Variants in TINAGL1 observed in about 807,000 individuals in gnomAD.
TINAGL1 encodes the protein tubulointerstitial nephritis antigen-like.
TINAGL1 carries 34 observed loss-of-function variants against 62.0 expected under a neutral mutation model. The ratio of observed to expected loss-of-function variants is 0.55; its 90% CI spans 0.42 to 0.73. TINAGL1 has a LOEUF of 0.73. TINAGL1 is among the 30% of genes least tolerant of loss of function. The pLI is 0.00. For synonymous variants in TINAGL1, 221 were observed against 249.7 expected (o/e 0.88, Z 1.08); for missense variants, 516 against 653.2 (o/e 0.79, Z 2.29).
Position 31,585,511 on chromosome 1 carries a change from G to T in TINAGL1, c.1093+26G>T. On this transcript the variant is annotated intron_variant, in intron 9 of 11. Coordinates refer to ENST00000271064, the MANE Select transcript of TINAGL1 (RefSeq NM_022164.3). This position sits in a 1 kb window ranked among gnomAD's most constrained non-coding sequence, Gnocchi z 4.3. Reference sequence around the variant, plus strand: ...GTAAACCCCCTTATCCAGCACCCTGGTTCCAGAAGCTTGTGCCTGCTTGAG... The same window carrying T: ...GTAAACCCCCTTATCCAGCACCCTGTTTCCAGAAGCTTGTGCCTGCTTGAG... The T allele has an allele frequency of 6.2e-7, 1 of 1,613,630 alleles. No individual in the cohort carries two copies. Among genetic ancestry groups the T allele is most frequent in the Non-Finnish European group, 8.5e-7 (1 of 1,179,762 alleles).
intron 3 of TINAGL1, among the ~76,000 whole-genome samples, chr1:31,582,398 C>A (rs1357314944): frequency 6.6e-6 from 1 of 151,810 alleles, no homozygotes; most frequent in Non-Finnish European, 1.5e-5. Flanking sequence ...CTAGTTGGAG[C>A]CTTAGAACCA....
rs1257344236 is a variant in TINAGL1, at chr1:31,577,667, A to G, written c.310+209A>G. On this transcript the variant is annotated intron_variant, in intron 2 of 11. Coordinates refer to ENST00000271064, the MANE Select transcript of TINAGL1 (RefSeq NM_022164.3). The surrounding 1 kb of genome is among the most constrained non-coding windows in gnomAD (Gnocchi z 5.4). Reference sequence around the variant, plus strand: ...TCTAATTTGGCCCAGGGAAAGGGCAACCTCCCACATTTTCTCCCAATCCTG... The same window carrying G: ...TCTAATTTGGCCCAGGGAAAGGGCAGCCTCCCACATTTTCTCCCAATCCTG... The G allele has an allele frequency of 3.4e-6, 2 of 592,592 alleles. No individual in the cohort carries two copies. Among genetic ancestry groups the G allele is most frequent in the Non-Finnish European group, 5.7e-6 (2 of 348,960 alleles). The allele number at this position is 592,592 out of a possible 1,614,324, so 36.7% of individuals were successfully genotyped here.
In TINAGL1 at chr1:31,585,707, CT is replaced by C. The variant is rs756686905; in HGVS notation, c.1094-45del. On this transcript the variant is annotated intron_variant, in intron 9 of 11. Coordinates refer to ENST00000271064, the MANE Select transcript of TINAGL1 (RefSeq NM_022164.3). The surrounding 1 kb of genome is among the most constrained non-coding windows in gnomAD (Gnocchi z 4.3). ...TCTCAATAGACTCAGGCTCCAGTGC[CT>C]GTGCCAACGGGCTGAGTGGACCCTA... 24 of 1,593,440 alleles carry C rather than the reference CT, an allele frequency of 1.5e-5. No individual in the cohort carries two copies. The African/African-American group carries it at 2.8e-4, about 19-fold the overall frequency.
Position 31,587,135 on chromosome 1 carries a change from G to A in TINAGL1, c.*156G>A. 2 of 1,167,198 alleles carry A rather than the reference G, an allele frequency of 1.7e-6. No individual in the cohort carries two copies. Among genetic ancestry groups the A allele is most frequent in the African/African-American group, 1.6e-5 (1 of 61,788 alleles). The allele number at this position is 1,167,198 out of a possible 1,614,324, so 72.3% of individuals were successfully genotyped here. A position where few individuals can be genotyped will look rare whatever the true frequency, so the allele number is the denominator to read the frequency against. ...CCGGCGCGGGTTCCGCTGACGCAGC[G>A]CCCCGCCTGGGAGCCGCGGGCAGGC... On this transcript the variant is annotated 3_prime_UTR_variant, in exon 12 of 12. Transcript: ENST00000271064.
chr1:31,582,968 A>G (rs1570211245), intron 3 of TINAGL1, among the ~76,000 whole-genome samples, 181 bp from the exon 4 acceptor site: 1 of 152,094 alleles, frequency 6.6e-6, no homozygotes, highest in African/African-American at 2.4e-5. Context: ...CACAGATATA[A>G]ACTTGAGAAT....
Position 31,577,369 on chromosome 1 carries a change from AC to A in TINAGL1, c.223del (p.Leu75SerfsTer72), listed in dbSNP as rs771807824. ...LPYLGAICYC[D>X]LFCNRTVSDC... ...TACCTGGGCGCCATCTGTTACTGTGACCTCTTCTGCAACCGCACGGTCTCCG... is the reference window on the plus strand; with the variant it reads ...TACCTGGGCGCCATCTGTTACTGTGACTCTTCTGCAACCGCACGGTCTCCG... On this transcript the variant is annotated frameshift_variant, in exon 2 of 12. Transcript: ENST00000271064. LOFTEE classifies it high-confidence loss of function. This position sits in a 1 kb window ranked among gnomAD's most constrained non-coding sequence, Gnocchi z 5.4. 1 of 1,613,778 alleles carries A rather than the reference AC, an allele frequency of 6.2e-7. No homozygotes were observed. Among genetic ancestry groups the A allele is most frequent in the African/African-American group, 1.3e-5 (1 of 74,982 alleles).
Position 31,587,227 on chromosome 1 carries a change from C to T in TINAGL1, c.*248C>T, listed in dbSNP as rs1354497909. The T allele has an allele frequency of 2.3e-6, 1 of 428,230 alleles. No individual in the cohort carries two copies. The highest frequency in any genetic ancestry group is 3.8e-6 in the Non-Finnish European group (1 of 264,096). 26.5% of individuals were successfully genotyped at this position (428,230 alleles called of 1,614,324 possible). A position where few individuals can be genotyped will look rare whatever the true frequency, so the allele number is the denominator to read the frequency against. ...AGGGCCTGGCCTGGGAAGAGCACAG[C>T]TGCAGATCCCAGGCCTCTGGCGCCC... On this transcript the variant is annotated 3_prime_UTR_variant, in exon 12 of 12. Transcript: ENST00000271064.
Position 31,585,722 on chromosome 1 carries a change from G to A in TINAGL1, c.1094-31G>A. 3 of 1,605,834 alleles carry A rather than the reference G, an allele frequency of 1.9e-6. No homozygotes were observed. Among genetic ancestry groups the A allele is most frequent in the East Asian group, 2.2e-5 (1 of 44,802 alleles). On this transcript the variant is annotated intron_variant, in intron 9 of 11. Transcript: ENST00000271064. The surrounding 1 kb of genome is among the most constrained non-coding windows in gnomAD (Gnocchi z 4.3). The stretch of plus-strand genomic sequence containing the variant: ...GCTCCAGTGCCTGTGCCAACGGGCT[G>A]AGTGGACCCTACCTTGACATCTGCC...
chr1:31,585,507 C>T lies in TINAGL1; in HGVS notation c.1093+22C>T, dbSNP rs769776887. 3.7e-6 allele frequency: 6 copies of T among 1,613,732 alleles called. No homozygotes were observed. Among genetic ancestry groups the T allele is most frequent in the African/African-American group, 1.3e-5 (1 of 75,040 alleles). ...CAAGGTAAACCCCCTTATCCAGCAC[C>T]CTGGTTCCAGAAGCTTGTGCCTGCT... On this transcript the variant is annotated intron_variant, in intron 9 of 11. Transcript: ENST00000271064. This position sits in a 1 kb window ranked among gnomAD's most constrained non-coding sequence, Gnocchi z 4.3.
At position 31,585,407 on chromosome 1, in the gene TINAGL1, A is replaced by G. The variant is rs1391036969; in HGVS notation, c.1048-33A>G. ...GTGAAAGCCTGGAGTCTCACCCCTG[A>G]CGTATGCTCTCTGTCCATCCCCTGC... On this transcript the variant is annotated intron_variant, in intron 8 of 11. Transcript: ENST00000271064. This position sits in a 1 kb window ranked among gnomAD's most constrained non-coding sequence, Gnocchi z 4.3. 1 of 1,612,836 alleles carries G rather than the reference A, an allele frequency of 6.2e-7. No homozygotes were observed. The highest frequency in any genetic ancestry group is 1.7e-5 in the Admixed American group (1 of 59,828).
chr1:31,583,595 C>T lies in TINAGL1; in HGVS notation c.582+20C>T, dbSNP rs76867880. The T allele has an allele frequency of 1.4e-3, 2,209 of 1,591,014 alleles. 28 individuals carry two copies. The African/African-American group carries it at 0.026, about 19-fold the overall frequency. On this transcript the variant is annotated intron_variant, in intron 5 of 11. Coordinates refer to ENST00000271064, the MANE Select transcript of TINAGL1 (RefSeq NM_022164.3). The surrounding 1 kb of genome is among the most constrained non-coding windows in gnomAD (Gnocchi z 4.4). Reference sequence around the variant, plus strand: ...ATTTATGTAAGTCCATCCTTCCCCACAATGCTGCCATCTCCCCATGGCTCA... The same window carrying T: ...ATTTATGTAAGTCCATCCTTCCCCATAATGCTGCCATCTCCCCATGGCTCA...
chr1:31,586,055 G>A, intron 10 of TINAGL1, 179 bp downstream of exon 10: 1 of 873,228 alleles, frequency 1.1e-6, no homozygotes, highest in Non-Finnish European at 1.6e-6. Flanking sequence ...TTGAAGGTTG[G>A]GAGCCTCTGA....
At chr1:31,580,419 G>C (rs1639212453) in intron 3 of TINAGL1, 1 of 1,289,248 alleles carries the variant, frequency 7.8e-7, no homozygotes, top group Non-Finnish European at 1.0e-6. Flanking sequence ...AAGGCTCTGG[G>C]GGCGAGGGTG....
chr1:31,585,216 C>G lies in TINAGL1; in HGVS notation c.923C>G (p.Pro308Arg). ...RERDEAGPAP[P>R]CMMHSRAMGR... is the part of the protein sequence containing the mutation. ...CGAGACGAGGCTGGCCCTGCGCCCC[C>G]CTGTATGATGCACAGCCGAGCCATG... The change falls in exon 8 of 12, where the codon CCC becomes CGC. Residue 308 changes from proline to arginine, a missense_variant. Coordinates refer to ENST00000271064, the MANE Select transcript of TINAGL1 (RefSeq NM_022164.3). The surrounding 1 kb of genome is among the most constrained non-coding windows in gnomAD (Gnocchi z 4.3). 6.2e-7 allele frequency: 1 copy of G among 1,613,014 alleles called. No individual in the cohort carries two copies. Among genetic ancestry groups the G allele is most frequent in the South Asian group, 1.1e-5 (1 of 90,860 alleles).
intron 2 of TINAGL1, among the ~76,000 whole-genome samples, chr1:31,578,829 GTGTGTGTGTGTGA>G (rs1423111608): frequency 1.1e-4 from 16 of 143,818 alleles, no homozygotes; most frequent in East Asian, 2.0e-4. Flanking sequence ...GAGAGCTGGT[GTGTGTGTGTGTGA>G]TGTCTTCAGT....
In TINAGL1 at chr1:31,583,334, A is replaced by C; in HGVS notation, c.467+93A>C. 1 of 1,492,400 alleles carries C rather than the reference A, an allele frequency of 6.7e-7. No homozygotes were observed. Among genetic ancestry groups the C allele is most frequent in the Non-Finnish European group, 9.3e-7 (1 of 1,076,748 alleles). 92.4% of individuals were successfully genotyped at this position (1,492,400 alleles called of 1,614,324 possible). ...TGCTGTGGGGCACGTCCAGCAGGCC[A>C]CTCCTACACCCAGATTTGACTGTGT... On this transcript the variant is annotated intron_variant, in intron 4 of 11. Coordinates refer to ENST00000271064, the MANE Select transcript of TINAGL1 (RefSeq NM_022164.3). This position sits in a 1 kb window ranked among gnomAD's most constrained non-coding sequence, Gnocchi z 4.4.
At chr1:31,580,480 T>C (rs1469397841) in intron 3 of TINAGL1, 2 of 1,289,170 alleles carry the variant, frequency 1.6e-6, no homozygotes, top group Admixed American at 2.3e-5. Flanking sequence ...CAGAGTCTAG[T>C]CGGGTGCTGC....
chr1:31,586,601 C>A, intron 10 of TINAGL1, 109 bp from the exon 11 acceptor site: 1 of 1,312,436 alleles, frequency 7.6e-7, no homozygotes, highest in Non-Finnish European at 1.1e-6. Flanking sequence ...TAAGGGTGTA[C>A]CCAACCCTCC....
At position 31,577,300 on chromosome 1, in the gene TINAGL1, A is replaced by G. The variant is rs1216643739; in HGVS notation, c.152A>G (p.Gln51Arg). ...RDAGGRYCQE[Q>R]DLCCRGRADD... ...GCGGGAGGCCGGTACTGCCAGGAGC[A>G]GGACCTGTGCTGCCGCGGCCGTGCC... Residue 51 changes from glutamine (Q) to arginine (R), a missense_variant, in exon 2 of 12, where the codon CAG (glutamine) becomes CGG (arginine). Coordinates refer to ENST00000271064, the MANE Select transcript of TINAGL1 (RefSeq NM_022164.3). This position sits in a 1 kb window ranked among gnomAD's most constrained non-coding sequence, Gnocchi z 5.4. 1.2e-6 allele frequency: 2 copies of G among 1,613,500 alleles called. No individual in the cohort carries two copies. The highest frequency in any genetic ancestry group is 1.7e-6 in the Non-Finnish European group (2 of 1,179,928).
Sources: allele counts gnomAD v4.1 joint callset (sites outside exome capture counted in the v4.1 genomes callset), GRCh38; gene constraint gnomAD v4.1.1; non-coding constraint Gnocchi (gnomAD v3.1); transcripts MANE v1.5; gene names NCBI Gene and HGNC (gene_info 2026-07-23, HGNC 2026-07-21).